The following ARMH4 variants were observed in gnomAD, a reference collection of about 807,000 sequenced individuals.
ARMH4 encodes the protein armadillo-like helical domain-containing protein 4.
A neutral mutation model predicts 61.9 loss-of-function variants in ARMH4; 49 were observed. That is an observed-to-expected ratio of 0.79 (90% confidence interval 0.63 to 1.00). The LOEUF is 1.00. ARMH4 is among the 50% of genes least tolerant of loss of function. ARMH4 has a pLI of 0.00. For synonymous variants in ARMH4, 368 were observed against 341.5 expected, an observed-to-expected ratio of 1.08 and a Z score of -0.85; for missense variants, 934 against 930.0, an observed-to-expected ratio of 1.00 and a Z score of -0.06.
chr14:58,004,885 G>A (rs1882104558), intron 7 of ARMH4, 81 bp from the exon 8 acceptor site: 6 of 1,530,556 alleles, frequency 3.9e-6, no homozygotes, highest in South Asian at 2.3e-5. Context: ...TAAAAGACAT[G>A]CTAACAAACG....
At chr14:58,147,556 G>A (rs548330679) in intron 1 of ARMH4, among the ~76,000 whole-genome samples, 6 of 151,824 alleles carry the variant, frequency 4.0e-5, no homozygotes, top group South Asian at 2.1e-4. Flanking sequence ...CTCATGATCC[G>A]CCCACCTCAG....
intron 5 of ARMH4, among the ~76,000 whole-genome samples, chr14:58,081,767 A>G (rs1429353747): frequency 6.6e-6 from 1 of 152,074 alleles, no homozygotes; most frequent in African/African-American, 2.4e-5. Context: ...CGGTCTCCCA[A>G]AGTGCTGGGA....
chr14:58,019,205 G>A (rs7142208), intron 5 of ARMH4, among the ~76,000 whole-genome samples: 3,064 of 152,122 alleles, frequency 0.02, 110 homozygotes, highest in African/African-American at 0.07. Flanking sequence ...ATTGTTAATC[G>A]CAATGTATTG....
At chr14:58,117,830 T>A (rs1300555799) in intron 4 of ARMH4, among the ~76,000 whole-genome samples, 3 of 151,906 alleles carry the variant, frequency 2.0e-5, no homozygotes, top group Admixed American at 2.0e-4. Flanking sequence ...ATGATCACAG[T>A]TCACTTCAGC....
chr14:58,133,819 C>G (rs1887211200), intron 2 of ARMH4, among the ~76,000 whole-genome samples: 1 of 152,154 alleles, frequency 6.6e-6, no homozygotes, highest in Non-Finnish European at 1.5e-5. Flanking sequence ...TACTGAGTTT[C>G]TATGTTAAAC....
chr14:58,096,896 A>T lies in ARMH4; in HGVS notation c.1917T>A (p.Asp639Glu), dbSNP rs1193061960. The T allele has an allele frequency of 6.2e-7, 1 of 1,614,122 alleles. No individual in the cohort carries two copies. Among genetic ancestry groups the T allele is most frequent in the East Asian group, 2.2e-5 (1 of 44,882 alleles). ...EDEEEDEEDK[D>E]ADSLDEGLDG... ...CCAAGCCCTCATCCAGCGAGTCTGC[A>T]TCTTTATCTTCCTCATCTTCTTCCT... Residue 639 changes from aspartate (D) to glutamate (E), a missense_variant, in exon 5 of 8, where the codon GAT becomes GAA. Physicochemically the swap from Asp to Glu is conservative, Grantham distance 45 (BLOSUM62 2). Coordinates refer to ENST00000267485, the MANE Select transcript of ARMH4 (RefSeq NM_001001872.4).
chr14:58,085,987 T>C (rs1342861863), intron 5 of ARMH4, among the ~76,000 whole-genome samples: 3 of 152,336 alleles, frequency 2.0e-5, no homozygotes, highest in Non-Finnish European at 4.4e-5. Flanking sequence ...TTCTCAGAAC[T>C]GGGGAAGCAA....
rs1362513113 is a variant in ARMH4 at position 58,034,198 on chromosome 14, G to A, written c.2090-22048C>T. ...AAGGAAAGCCCATCAGACTAATAGC[G>A]GATCTCTCGGCAGAAACCCTACAAG... On this transcript the variant is annotated intron_variant, in intron 5 of 7. Coordinates refer to ENST00000267485, the MANE Select transcript of ARMH4 (RefSeq NM_001001872.4). Among the ~76,000 whole-genome samples, 21 of 137,230 alleles carry A rather than the reference G, an allele frequency of 1.5e-4. No homozygotes were observed. In the South Asian group the frequency reaches 1.7e-3, roughly 11 times the overall value. The allele number at this position is 137,230 out of a possible 152,430, so 90.0% of individuals were successfully genotyped here.
intron 5 of ARMH4, among the ~76,000 whole-genome samples, chr14:58,026,405 T>C (rs1883022752): frequency 6.6e-6 from 1 of 152,158 alleles, no homozygotes; most frequent in Non-Finnish European, 1.5e-5. Context: ...AGGTTTCTGA[T>C]CTATGATTTT....
At chr14:58,073,271 A>T (rs1239140243) in intron 5 of ARMH4, among the ~76,000 whole-genome samples, 1 of 152,166 alleles carries the variant, frequency 6.6e-6, no homozygotes, top group Non-Finnish European at 1.5e-5. Flanking sequence ...TTTAAAAAAT[A>T]AAAAACTGTT....
chr14:58,063,068 C>T (rs910919978), intron 5 of ARMH4, among the ~76,000 whole-genome samples: 1 of 152,324 alleles, frequency 6.6e-6, no homozygotes, highest in Admixed American at 6.5e-5. Context: ...CCTACAGAGC[C>T]TCTAGAGGAG....
chr14:58,129,216 G>A (rs755256522), intron 4 of ARMH4, among the ~76,000 whole-genome samples: 1 of 152,168 alleles, frequency 6.6e-6, no homozygotes, highest in Non-Finnish European at 1.5e-5. Flanking sequence ...AGAAGACAGG[G>A]TGCAAGTAGA....
chr14:58,137,777 A>T (rs1459204628), intron 2 of ARMH4, among the ~76,000 whole-genome samples: 1 of 151,888 alleles, frequency 6.6e-6, no homozygotes, highest in East Asian at 1.9e-4. Flanking sequence ...TTCAGAGAAG[A>T]GGTCTCACTA....
At chr14:58,132,525 T>C (rs752974336) in intron 3 of ARMH4, among the ~76,000 whole-genome samples, 19 of 149,042 alleles carry the variant, frequency 1.3e-4, no homozygotes, top group Non-Finnish European at 2.5e-4. Flanking sequence ...GTCTGGCCTT[T>C]GAGGACCCAG....
intron 4 of ARMH4, among the ~76,000 whole-genome samples, chr14:58,103,003 C>G (rs942676432): frequency 1.3e-5 from 2 of 150,786 alleles, no homozygotes; most frequent in Admixed American, 1.3e-4. Flanking sequence ...CGTGGTGATG[C>G]ATGCCTGTAA....
intron 5 of ARMH4, among the ~76,000 whole-genome samples, chr14:58,077,781 T>G (rs1885095187): frequency 6.6e-6 from 1 of 152,236 alleles, no homozygotes; most frequent in Non-Finnish European, 1.5e-5. Context: ...GGAATCCACA[T>G]CTTTTTTACT....
At position 58,096,980 on chromosome 14, in the gene ARMH4, C is replaced by G. The variant is rs755215067; in HGVS notation, c.1833G>C (p.Glu611Asp). Residue 611 changes from glutamate (E) to aspartate (D), a missense_variant and splice_region_variant, in exon 5 of 8, where the codon GAG becomes GAC. Transcript: ENST00000267485. ...SYGLDQLESE[E>D]GQEDEDEEDE... ...CCTCTTCATCCTCATCTTCTTGTCC[C>G]TCTAGGCAAAAAGAAATCAAAGGGA... The G allele has an allele frequency of 7.4e-6, 12 of 1,612,802 alleles. No individual in the cohort carries two copies. The East Asian group carries it at 1.6e-4, about 21-fold the overall frequency.
chr14:58,078,676 G>A (rs1012309353), intron 5 of ARMH4, among the ~76,000 whole-genome samples: 12 of 152,192 alleles, frequency 7.9e-5, no homozygotes, highest in African/African-American at 2.7e-4. Flanking sequence ...GGATCATAAG[G>A]TCTCTTGCAA....
intron 4 of ARMH4, among the ~76,000 whole-genome samples, chr14:58,115,225 G>T (rs753923977): frequency 1.1e-4 from 16 of 150,868 alleles, no homozygotes; most frequent in Non-Finnish European, 1.6e-4. Flanking sequence ...GAATCTATGA[G>T]AAATTTAAAC....
Sources: gnomAD v4.1 joint callset for allele counts (sites outside exome capture counted in the v4.1 genomes callset) on GRCh38, gnomAD v4.1.1 for gene constraint, MANE v1.5 for transcripts, NCBI Gene and HGNC (gene_info 2026-07-23, HGNC 2026-07-21) for gene names.